SOS1: variants seen among roughly 807,000 people sequenced by gnomAD.
SOS1 encodes son of sevenless homolog 1.
In SOS1, 25 loss-of-function variants were observed where a neutral mutation model predicts 157.6. The observed-to-expected ratio is 0.16, with a 90% CI of 0.12 to 0.22. The LOEUF (loss-of-function observed/expected upper bound fraction) is 0.22. SOS1 is among the 10% of genes least tolerant of loss of function. SOS1 has a pLI of 1.00. For missense variants in SOS1, 1,237 were observed against 1,599.1 expected (o/e 0.77, Z 3.86); for synonymous variants, 528 against 534.0 (o/e 0.99, Z 0.16).
intron 2 of SOS1, among the ~76,000 whole-genome samples, chr2:39,065,339 T>C (rs562432165): frequency 5.3e-5 from 8 of 152,294 alleles, no homozygotes; most frequent in Non-Finnish European, 1.0e-4. Flanking sequence ...TAAGAGGTGT[T>C]AACATCACTC....
chr2:39,076,989 T>C (rs928143176), intron 1 of SOS1, among the ~76,000 whole-genome samples: 3 of 152,154 alleles, frequency 2.0e-5, no homozygotes, highest in Non-Finnish European at 4.4e-5. Context: ...AATTTTTTAA[T>C]GATAGTTGCA....
intron 1 of SOS1, among the ~76,000 whole-genome samples, chr2:39,112,187 C>T: frequency 6.6e-6 from 1 of 151,852 alleles, no homozygotes; most frequent in African/African-American, 2.4e-5. Context: ...TCTTCTTAAT[C>T]TCTACTGCCG....
At chr2:38,990,481 G>A (rs1394870812) in intron 20 of SOS1, among the ~76,000 whole-genome samples, 1 of 152,068 alleles carries the variant, frequency 6.6e-6, no homozygotes, top group African/African-American at 2.4e-5. Context: ...ACCTATAATT[G>A]AAGATTGCCT....
At chr2:38,994,905 A>C (rs1348482834) in intron 20 of SOS1, among the ~76,000 whole-genome samples, 1 of 152,242 alleles carries the variant, frequency 6.6e-6, no homozygotes, top group Non-Finnish European at 1.5e-5. Context: ...TCATTAACGT[A>C]TAATAAATTT....
intron 1 of SOS1, among the ~76,000 whole-genome samples, chr2:39,116,739 G>C (rs1673663692): frequency 6.6e-6 from 1 of 152,074 alleles, no homozygotes; most frequent in Non-Finnish European, 1.5e-5. Flanking sequence ...TGTGCCTACA[G>C]TCTCAGGAGG....
rs143481916 is a variant in SOS1, at chr2:39,035,436, C to T, written c.929G>A (p.Arg310His). 153 of 1,613,678 alleles carry T rather than the reference C, an allele frequency of 9.5e-5. No individual in the cohort carries two copies. The highest frequency in any genetic ancestry group is 5.4e-4 in the East Asian group (24 of 44,858). ...AGGCTTTGATAACTGACTAAGGAAACGATCATGAAAACCAGGTCGCAAAAT... is the reference window on the plus strand; with the variant it reads ...AGGCTTTGATAACTGACTAAGGAAATGATCATGAAAACCAGGTCGCAAAAT... ...RDILRPGFHD[R>H]FLSQLSKPGA... Residue 310 changes from arginine (R) to histidine (H), a missense_variant, in exon 7 of 23, where the codon CGT becomes CAT. Physicochemically the swap from Arg to His is conservative, Grantham distance 29. Coordinates refer to ENST00000402219, the MANE Select transcript of SOS1 (RefSeq NM_005633.4).
intron 1 of SOS1, among the ~76,000 whole-genome samples, chr2:39,114,876 G>C (rs1272541344): frequency 1.3e-5 from 2 of 152,134 alleles, no homozygotes; most frequent in African/African-American, 4.8e-5. Context: ...AGGATTACAG[G>C]TGTGAGCCAT....
intron 1 of SOS1, chr2:39,098,191 G>C: frequency 5.0e-6 from 1 of 200,048 alleles, no homozygotes; most frequent in South Asian, 1.0e-4. Flanking sequence ...CTTTAAATGA[G>C]AAGTAATCCT....
chr2:39,006,065 G>A (rs1487863404), intron 17 of SOS1, among the ~76,000 whole-genome samples: 1 of 152,086 alleles, frequency 6.6e-6, no homozygotes, highest in Non-Finnish European at 1.5e-5. Flanking sequence ...ATGATTTTTA[G>A]CCATGTGAAA....
At chr2:39,021,632 C>A (rs1488435260) in intron 10 of SOS1, among the ~76,000 whole-genome samples, 2 of 150,462 alleles carry the variant, frequency 1.3e-5, no homozygotes, top group East Asian at 3.9e-4. Context: ...AACAAAAGTA[C>A]TTAGGATGAA....
intron 1 of SOS1, among the ~76,000 whole-genome samples, chr2:39,107,318 C>G (rs535903448): frequency 6.6e-6 from 1 of 152,166 alleles, no homozygotes; most frequent in Non-Finnish European, 1.5e-5. Flanking sequence ...ACTAGCTCCT[C>G]CCAGTCACTG....
At chr2:39,072,677 T>C (rs1671829336) in intron 1 of SOS1, among the ~76,000 whole-genome samples, 1 of 152,208 alleles carries the variant, frequency 6.6e-6, no homozygotes, top group Admixed American at 6.5e-5. Context: ...TATTGATGGT[T>C]ACTAATATCC....
At chr2:39,042,029 T>C (rs191871582) in intron 6 of SOS1, among the ~76,000 whole-genome samples, 146 of 152,326 alleles carry the variant, frequency 9.6e-4, no homozygotes, top group Non-Finnish European at 1.6e-3. Flanking sequence ...GAGAAGTATC[T>C]ATGTATATAT....
At chr2:39,019,356 TACA>T (rs1261715709) in intron 10 of SOS1, among the ~76,000 whole-genome samples, 2 of 151,796 alleles carry the variant, frequency 1.3e-5, no homozygotes, top group African/African-American at 2.4e-5. Context: ...CTTTGTTGCC[TACA>T]ACAACTCTGT....
In SOS1 at chr2:38,995,206, G is replaced by GT. The variant is rs1466783188; in HGVS notation, c.3262dup (p.Thr1088AsnfsTer19). ...GGAAGCACCAGAAGCAGGCGGAGGT[G>GT]TTAACGGTGTTCTTGGAGAATTTGG... On this transcript the variant is annotated frameshift_variant, in exon 20 of 23. Transcript: ENST00000402219. LOFTEE classifies it high-confidence loss of function. 6.2e-7 allele frequency: 1 copy of GT among 1,613,962 alleles called. No homozygotes were observed.
chr2:39,004,250 C>A (rs761748211), intron 17 of SOS1, among the ~76,000 whole-genome samples: 1 of 151,808 alleles, frequency 6.6e-6, no homozygotes, highest in Non-Finnish European at 1.5e-5. Flanking sequence ...CCTGTCTCTA[C>A]TAAAAATACA....
intron 1 of SOS1, among the ~76,000 whole-genome samples, chr2:39,074,451 C>A (rs1397888797): frequency 6.6e-6 from 1 of 152,016 alleles, no homozygotes; most frequent in Admixed American, 6.6e-5. Context: ...TGGTGCACAC[C>A]TGTAGTCCCA....
chr2:39,085,178 TG>T (rs1197190601), intron 1 of SOS1, among the ~76,000 whole-genome samples: 1 of 152,182 alleles, frequency 6.6e-6, no homozygotes, highest in Admixed American at 6.5e-5. Flanking sequence ...CCTGAGAAGC[TG>T]GGACTACAGG....
chr2:39,055,370 G>C (rs751977780), intron 4 of SOS1, among the ~76,000 whole-genome samples: 8 of 151,898 alleles, frequency 5.3e-5, no homozygotes, highest in Admixed American at 2.0e-4. Context: ...ATTTTATCTT[G>C]TGTGCTTTCT....
Sources: allele counts gnomAD v4.1 joint callset (sites outside exome capture counted in the v4.1 genomes callset), GRCh38; gene constraint gnomAD v4.1.1; transcripts MANE v1.5; gene names NCBI Gene and HGNC (gene_info 2026-07-23, HGNC 2026-07-21).